Variants in KCNIP4 observed in about 807,000 individuals in gnomAD.
KCNIP4 encodes the protein potassium voltage-gated channel interacting protein 4.
A neutral mutation model predicts 34.0 loss-of-function variants in KCNIP4; 12 were observed. The observed-to-expected ratio is 0.35, with a 90% CI of 0.23 to 0.57. KCNIP4 has a LOEUF of 0.57. KCNIP4 is among the 20% of genes least tolerant of loss of function. The pLI is 0.83. For missense variants in KCNIP4, 238 were observed against 311.7 expected (o/e 0.76, Z 1.78); for synonymous variants, 124 against 102.2 (o/e 1.21, Z -1.29).
chr4:20,744,768 A>G (rs1752046133), intron 5 of KCNIP4, among the ~76,000 whole-genome samples: 1 of 152,110 alleles, frequency 6.6e-6, no homozygotes, highest in Non-Finnish European at 1.5e-5. Flanking sequence ...AAAGAATAAT[A>G]ATAATAAAAA....
At chr4:21,412,350 C>A (rs904100477) in intron 1 of KCNIP4, among the ~76,000 whole-genome samples, 1 of 152,176 alleles carries the variant, frequency 6.6e-6, no homozygotes, top group Non-Finnish European at 1.5e-5. Context: ...CCTTTCCAAG[C>A]TTTCTCCACA....
chr4:21,591,617 C>T (rs952683940), intron 1 of KCNIP4, among the ~76,000 whole-genome samples: 34 of 151,844 alleles, frequency 2.2e-4, no homozygotes, highest in African/African-American at 8.0e-4. Context: ...CTTTGAGAGT[C>T]ACTTTGAATC....
At chr4:21,201,520 G>A (rs1042780524) in intron 1 of KCNIP4, among the ~76,000 whole-genome samples, 13 of 152,018 alleles carry the variant, frequency 8.6e-5, no homozygotes, top group Admixed American at 2.0e-4. Context: ...TTTTTGAGAT[G>A]GACTCTCGCT....
intron 1 of KCNIP4, among the ~76,000 whole-genome samples, chr4:21,802,470 A>C (rs1309627668): frequency 6.6e-6 from 1 of 152,186 alleles, no homozygotes; most frequent in Non-Finnish European, 1.5e-5. Context: ...GGTAATCAGG[A>C]TATGTATTTT....
chr4:21,033,099 T>G (rs1177233051), intron 1 of KCNIP4, among the ~76,000 whole-genome samples: 1 of 152,084 alleles, frequency 6.6e-6, no homozygotes, highest in Admixed American at 6.6e-5. Context: ...AATGAATGAA[T>G]GAATAAATAA....
intron 1 of KCNIP4, among the ~76,000 whole-genome samples, chr4:21,338,840 A>T (rs1455285609): frequency 6.6e-6 from 1 of 152,212 alleles, no homozygotes; most frequent in Non-Finnish European, 1.5e-5. Context: ...CTTTTTCTTC[A>T]TCACTTAATC....
intron 5 of KCNIP4, among the ~76,000 whole-genome samples, chr4:20,737,683 G>C (rs557593334): frequency 6.6e-6 from 1 of 152,186 alleles, no homozygotes; most frequent in African/African-American, 2.4e-5. Flanking sequence ...AGAGGCAGAA[G>C]CTCTGATACT....
chr4:20,773,708 G>C (rs957616992), intron 3 of KCNIP4, among the ~76,000 whole-genome samples: 9 of 152,088 alleles, frequency 5.9e-5, no homozygotes, highest in African/African-American at 1.7e-4. Context: ...TTTCAAGAAG[G>C]CTATTTCCTT....
intron 1 of KCNIP4, among the ~76,000 whole-genome samples, chr4:20,902,642 C>A (rs1727280611): frequency 6.6e-6 from 1 of 152,116 alleles, no homozygotes; most frequent in Non-Finnish European, 1.5e-5. Flanking sequence ...GCCCCAGCCT[C>A]CCAAGTAGCT....
In KCNIP4 at chr4:21,577,025, G is replaced by A. The variant is rs1417013873; in HGVS notation, c.61+371546C>T. ...AAAAAATTAAATAGGTGCATACCCTGTGTGGTTTTACCTATTCTTTTTTAG... is the reference window on the plus strand; with the variant it reads ...AAAAAATTAAATAGGTGCATACCCTATGTGGTTTTACCTATTCTTTTTTAG... On this transcript the variant is annotated intron_variant, in intron 1 of 8. Coordinates refer to ENST00000382152, the MANE Select transcript of KCNIP4 (RefSeq NM_025221.6). Among the ~76,000 whole-genome samples the A allele has an allele frequency of 4.6e-5, 7 of 152,138 alleles. No individual in the cohort carries two copies. The South Asian group carries it at 8.3e-4, about 18-fold the overall frequency.
chr4:20,877,782 A>G lies in KCNIP4; in HGVS notation c.163+4826T>C, dbSNP rs147410842. Among the ~76,000 whole-genome samples, 105 of 152,220 alleles carry G rather than the reference A, an allele frequency of 6.9e-4. 1 individual carries two copies. In the East Asian group the frequency reaches 0.018, roughly 26 times the overall value. ...TGACAGTCTCAAATCTTGCAGTCAG[A>G]CAGTAAGCGTATCTGTATCACTGGA... On this transcript the variant is annotated intron_variant, in intron 2 of 8. Coordinates refer to ENST00000382152, the MANE Select transcript of KCNIP4 (RefSeq NM_025221.6).
At chr4:21,798,433 G>A (rs1172255280) in intron 1 of KCNIP4, among the ~76,000 whole-genome samples, 1 of 88,574 alleles carries the variant, frequency 1.1e-5, no homozygotes, top group East Asian at 2.6e-4. Context: ...ATATTTGCTG[G>A]GTGTGGTGGC....
At chr4:21,616,623 C>T (rs1434060143) in intron 1 of KCNIP4, among the ~76,000 whole-genome samples, 1 of 152,122 alleles carries the variant, frequency 6.6e-6, no homozygotes, top group Non-Finnish European at 1.5e-5. Flanking sequence ...GGGGAGACTC[C>T]TTCCTTGACT....
intron 1 of KCNIP4, among the ~76,000 whole-genome samples, chr4:21,320,796 C>T (rs1442213254): frequency 2.6e-5 from 4 of 151,856 alleles, no homozygotes; most frequent in Non-Finnish European, 5.9e-5. Flanking sequence ...CATGGCGAAG[C>T]CCCATCTCTA....
intron 1 of KCNIP4, among the ~76,000 whole-genome samples, chr4:21,379,021 T>G (rs1721231361): frequency 6.6e-6 from 1 of 152,194 alleles, no homozygotes; most frequent in South Asian, 2.1e-4. Context: ...AATCCATTTT[T>G]GAAATAGACA....
At chr4:21,560,389 C>T (rs986833214) in intron 1 of KCNIP4, among the ~76,000 whole-genome samples, 41 of 151,980 alleles carry the variant, frequency 2.7e-4, no homozygotes, top group African/African-American at 9.7e-4. Flanking sequence ...AAAGTGTATC[C>T]GTAAACATGT....
At chr4:21,829,852 T>G (rs2109303599) in intron 1 of KCNIP4, among the ~76,000 whole-genome samples, 1 of 151,720 alleles carries the variant, frequency 6.6e-6, no homozygotes, top group South Asian at 2.1e-4. Context: ...TGAAATGGAT[T>G]AAATTATCCA....
At chr4:21,464,148 C>CT (rs1441455876) in intron 1 of KCNIP4, among the ~76,000 whole-genome samples, 1 of 151,630 alleles carries the variant, frequency 6.6e-6, no homozygotes, top group Non-Finnish European at 1.5e-5. Flanking sequence ...TAATTTTTTT[C>CT]TTAAAGAACC....
At chr4:21,812,430 A>T (rs1419738708) in intron 1 of KCNIP4, among the ~76,000 whole-genome samples, 1 of 152,206 alleles carries the variant, frequency 6.6e-6, no homozygotes, top group Non-Finnish European at 1.5e-5. Context: ...GTATTCCAGG[A>T]ACTCATAACA....
Sources: gnomAD v4.1 joint callset for allele counts (sites outside exome capture counted in the v4.1 genomes callset) on GRCh38, gnomAD v4.1.1 for gene constraint, MANE v1.5 for transcripts, NCBI Gene and HGNC (gene_info 2026-07-23, HGNC 2026-07-21) for gene names.